The following NCAPH2 variants were observed in gnomAD, a reference collection of about 807,000 sequenced individuals.
The protein encoded by NCAPH2 is condensin-2 complex subunit H2.
Under a neutral mutation model 88.6 loss-of-function variants are expected in NCAPH2, and 56 were observed. The ratio of observed to expected loss-of-function variants is 0.63; its 90% CI spans 0.51 to 0.79. The LOEUF (loss-of-function observed/expected upper bound fraction) is 0.79. Ranked by LOEUF, NCAPH2 falls within the 30% of genes least tolerant of loss-of-function variation. NCAPH2 has a pLI of 0.00. For missense variants in NCAPH2, 794 were observed against 792.0 expected (o/e 1.00, Z -0.03); for synonymous variants, 378 against 313.6 (o/e 1.21, Z -2.17).
chr22:50,519,734 T>C (rs2069032532), intron 9 of NCAPH2: 1 of 1,025,540 alleles, frequency 9.8e-7, no homozygotes, highest in Non-Finnish European at 1.2e-6. Context: ...TTTTATTCAT[T>C]AAAACAAAAT....
At position 50,524,158 on chromosome 22, in the gene NCAPH2, A is replaced by G; in HGVS notation, c.*783A>G. Reference sequence around the variant, plus strand: ...GGCTTCTGTTCGCTTTTGCTGCTGCAGCCTCTCCTTCTCAGCCCTCAGGGC... The same window carrying G: ...GGCTTCTGTTCGCTTTTGCTGCTGCGGCCTCTCCTTCTCAGCCCTCAGGGC... On this transcript the variant is annotated 3_prime_UTR_variant, in exon 20 of 20. Transcript: ENST00000420993. 1 of 1,611,176 alleles carries G rather than the reference A, an allele frequency of 6.2e-7. No individual in the cohort carries two copies.
Position 50,522,818 on chromosome 22 carries a change from T to G in NCAPH2, c.1426-3T>G, listed in dbSNP as rs1354615679. 6.2e-7 allele frequency: 1 copy of G among 1,613,098 alleles called. No homozygotes were observed. Among genetic ancestry groups the G allele is most frequent in the Non-Finnish European group, 8.5e-7 (1 of 1,179,862 alleles). On this transcript the variant is annotated splice_region_variant and splice_polypyrimidine_tract_variant and intron_variant, in intron 17 of 19. Transcript: ENST00000420993. ...GCAGTAGCTCCTGCTGATCCTCCCC[T>G]AGGAGCTCTTCATCGCCACCTCCCA...
rs1388611723 is a variant in NCAPH2 at position 50,508,240 on chromosome 22, G to C, written c.-98G>C. 1.1e-6 allele frequency: 1 copy of C among 935,266 alleles called. No homozygotes were observed. Among genetic ancestry groups the C allele is most frequent in the South Asian group, 1.7e-5 (1 of 58,884 alleles). 57.9% of individuals were successfully genotyped at this position (935,266 alleles called of 1,614,324 possible). A position where few individuals can be genotyped will look rare whatever the true frequency, so the allele number is the denominator to read the frequency against. On this transcript the variant is annotated 5_prime_UTR_variant, in exon 1 of 20. Transcript: ENST00000420993. Reference sequence around the variant, plus strand: ...CGCGCCTACGCATTTTCCTGGGCGGGAACAGCAAAATGGCGCCAGAACTAG... The same window carrying C: ...CGCGCCTACGCATTTTCCTGGGCGGCAACAGCAAAATGGCGCCAGAACTAG...
intron 8 of NCAPH2, 138 bp from the exon 9 acceptor site, chr22:50,519,052 G>A (rs1357989388): frequency 8.9e-6 from 7 of 788,214 alleles, no homozygotes; most frequent in Non-Finnish European, 7.9e-6. Flanking sequence ...GGAGCACGAC[G>A]AGGATGGTGC....
At chr22:50,519,633 G>C in intron 9 of NCAPH2, 1 of 1,195,742 alleles carries the variant, frequency 8.4e-7, no homozygotes, top group South Asian at 3.0e-5. Context: ...TCTGCAGTCG[G>C]GCTGGTAGGA....
intron 11 of NCAPH2, 63 bp downstream of exon 11, chr22:50,521,672 G>A (rs131814): frequency 0.62 from 1,001,607 of 1,607,996 alleles, 313,152 homozygotes; most frequent in East Asian, 0.72. Flanking sequence ...GGCATGAGGT[G>A]GGGGGGTGGG....
intron 9 of NCAPH2, chr22:50,519,555 C>T (rs577938531): frequency 2.5e-5 from 32 of 1,298,920 alleles, no homozygotes; most frequent in East Asian, 1.8e-4. Flanking sequence ...AGTGGGCTGG[C>T]GTCCAAGGAT....
intron 1 of NCAPH2, among the ~76,000 whole-genome samples, chr22:50,512,641 C>G (rs2068817435): frequency 6.6e-6 from 1 of 150,728 alleles, no homozygotes; most frequent in Non-Finnish European, 1.5e-5. Flanking sequence ...GCCTCGATCT[C>G]CCAGGCTCAA....
chr22:50,518,856 C>G (rs2069002808), intron 8 of NCAPH2, 124 bp downstream of exon 8: 11 of 1,004,738 alleles, frequency 1.1e-5, no homozygotes, highest in Non-Finnish European at 1.6e-5. Context: ...CCTTCTGTGG[C>G]CCATGGGAGT....
At chr22:50,509,753 A>G (rs950107187) in intron 1 of NCAPH2, among the ~76,000 whole-genome samples, 18 of 152,172 alleles carry the variant, frequency 1.2e-4, no homozygotes, top group African/African-American at 4.1e-4. Context: ...TATGCCCAGA[A>G]TAAAACCCAA....
chr22:50,522,450 C>T (rs2069133397), intron 15 of NCAPH2, 35 bp downstream of exon 15: 11 of 1,612,882 alleles, frequency 6.8e-6, no homozygotes, highest in South Asian at 5.5e-5. Flanking sequence ...TGGGGCTTGG[C>T]ACCTGCCGAC....
chr22:50,512,946 T>C (rs1037753123), intron 1 of NCAPH2, among the ~76,000 whole-genome samples: 1 of 152,220 alleles, frequency 6.6e-6, no homozygotes, highest in Admixed American at 6.5e-5. Context: ...TGTTAAACTT[T>C]GAAAAAATAG....
intron 9 of NCAPH2, 162 bp from the exon 10 acceptor site, chr22:50,520,803 T>C (rs982442887): frequency 1.4e-6 from 1 of 696,792 alleles, no homozygotes; most frequent in Non-Finnish European, 2.3e-6. Context: ...CCTCGGGTGA[T>C]CTGCCCGCCT....
chr22:50,518,656 G>A lies in NCAPH2; in HGVS notation c.654G>A (p.Gly218=). Residue 218 remains glycine, a synonymous_variant, in exon 8 of 20, where the codon GGG becomes GGA. Transcript: ENST00000420993. ...GATCCCTGTCTCTCCCAGACACCGG[G>A]AGGACTGAGGAGCAGCCAATGGAAG... ...SPMPGTQKDT[G]RTEEQPMEVS... is the part of the protein sequence containing the mutation. 6.2e-7 allele frequency: 1 copy of A among 1,607,352 alleles called. No individual in the cohort carries two copies. Among genetic ancestry groups the A allele is most frequent in the Non-Finnish European group, 8.5e-7 (1 of 1,178,124 alleles).
At position 50,523,387 on chromosome 22, in the gene NCAPH2, C is replaced by T. The variant is rs201691943; in HGVS notation, c.*12C>T. ...TGGCCCAGCCCTGAGTGGGGAGCAC[C>T]GAGGCAGGGGTGGGGGAATGTGTAC... On this transcript the variant is annotated 3_prime_UTR_variant, in exon 20 of 20. Transcript: ENST00000420993. 131 of 1,536,920 alleles carry T rather than the reference C, an allele frequency of 8.5e-5. No homozygotes were observed. The East Asian group carries it at 1.1e-3, about 13-fold the overall frequency.
Position 50,517,642 on chromosome 22 carries a change from C to T in NCAPH2, c.332C>T (p.Pro111Leu), listed in dbSNP as rs201599631. The T allele has an allele frequency of 6.8e-6, 11 of 1,614,012 alleles. No individual in the cohort carries two copies. Among genetic ancestry groups the T allele is most frequent in the South Asian group, 1.1e-5 (1 of 91,084 alleles). Residue 111 changes from proline (P) to leucine (L), a missense_variant, in exon 4 of 20, where the codon CCC becomes CTC. Transcript: ENST00000420993. ...RANGVASSGVPQEAENEFLSL... is the reference protein window; with the variant it reads ...RANGVASSGVLQEAENEFLSL... ...AATGGGGTTGCCAGCTCCGGGGTCC[C>T]CCAGGAGGCAGAGAATGAGGTGAGT...
At chr22:50,518,515 C>G (rs568589475) in intron 7 of NCAPH2, 134 bp from the exon 8 acceptor site, 339 of 1,056,586 alleles carry the variant, frequency 3.2e-4, no homozygotes, top group Non-Finnish European at 4.1e-4. Context: ...CCTGCTGTCT[C>G]CCCCCAGCCC....
At chr22:50,513,027 G>T (rs1032021430) in intron 1 of NCAPH2, among the ~76,000 whole-genome samples, 3 of 152,274 alleles carry the variant, frequency 2.0e-5, no homozygotes, top group Non-Finnish European at 4.4e-5. Flanking sequence ...GGGTCCAAGA[G>T]AGTAACCGCA....
chr22:50,518,514 T>C (rs2148663021), intron 7 of NCAPH2, 135 bp from the exon 8 acceptor site: 1 of 1,059,936 alleles, frequency 9.4e-7, no homozygotes, highest in African/African-American at 1.6e-5. Flanking sequence ...CCCTGCTGTC[T>C]CCCCCCAGCC....
Sources: allele counts gnomAD v4.1 joint callset (sites outside exome capture counted in the v4.1 genomes callset), GRCh38; gene constraint gnomAD v4.1.1; transcripts MANE v1.5; gene names NCBI Gene and HGNC (gene_info 2026-07-23, HGNC 2026-07-21).